ABCB11: variants seen among roughly 807,000 people sequenced by gnomAD.
ABCB11 encodes bile salt export pump.
Under a neutral mutation model 148.0 loss-of-function variants are expected in ABCB11, and 95 were observed. That is an observed-to-expected ratio of 0.64 (90% CI 0.54 to 0.76). ABCB11 has a LOEUF of 0.76. Ranked by LOEUF, ABCB11 falls within the 30% of genes least tolerant of loss-of-function variation. The pLI, the probability that ABCB11 is intolerant of heterozygous loss-of-function variation, is 0.00. For missense variants in ABCB11, 1,523 were observed against 1,617.8 expected (o/e 0.94, Z 1.01); for synonymous variants, 591 against 555.4 (o/e 1.06, Z -0.90).
intron 21 of ABCB11, among the ~76,000 whole-genome samples, chr2:168,936,775 C>T (rs1559185300): frequency 6.6e-6 from 1 of 152,208 alleles, no homozygotes; most frequent in Non-Finnish European, 1.5e-5. Context: ...GAAGTAGAAT[C>T]ATACAATATT....
At chr2:169,030,886 A>G (rs1695845957) in intron 1 of ABCB11, among the ~76,000 whole-genome samples, 1 of 152,252 alleles carries the variant, frequency 6.6e-6, no homozygotes, top group Non-Finnish European at 1.5e-5. Context: ...CACAAAGCCA[A>G]GTTAAAAAAG....
At position 168,923,675 on chromosome 2, in the gene ABCB11, C is replaced by A; in HGVS notation, c.3913G>T (p.Ala1305Ser). The change falls in exon 28 of 28, where the codon GCC becomes TCC. Residue 1305 changes from alanine to serine, a missense_variant. Transcript: ENST00000650372. The stretch of plus-strand genomic sequence containing the variant: ...AGTTTGTAGTAGGCTCCTTTTTGGG[C>A]CATCAGTTCTTCATGGGTCCCCTTT... The part of the protein sequence containing the change: ...IEKGTHEELM[A>S]QKGAYYKLVT... 1 of 1,613,560 alleles carries A rather than the reference C, an allele frequency of 6.2e-7. No individual in the cohort carries two copies. The highest frequency in any genetic ancestry group is 8.5e-7 in the Non-Finnish European group (1 of 1,179,796).
At chr2:169,016,301 A>T (rs1280056081) in intron 3 of ABCB11, among the ~76,000 whole-genome samples, 2 of 152,210 alleles carry the variant, frequency 1.3e-5, no homozygotes, top group Non-Finnish European at 2.9e-5. Context: ...AACTTACCTG[A>T]TGCCTCACTT....
rs1415776432 is a variant in ABCB11 at position 169,016,813 on chromosome 2, A to G, written c.77-14T>C. 3.8e-6 allele frequency: 6 copies of G among 1,581,532 alleles called. No homozygotes were observed. The South Asian group carries it at 7.0e-5, about 19-fold the overall frequency. Reference sequence around the variant, plus strand: ...TATCATTATTATCTGTCAGAAAAAAAAATCAACGCAAAAAAGCAGTTAATA... The same window carrying G: ...TATCATTATTATCTGTCAGAAAAAAGAATCAACGCAAAAAAGCAGTTAATA... On this transcript the variant is annotated splice_polypyrimidine_tract_variant and intron_variant, in intron 2 of 27. Transcript: ENST00000650372.
intron 10 of ABCB11, 79 bp from the exon 11 acceptor site, chr2:168,980,058 G>T: frequency 1.3e-6 from 1 of 789,230 alleles, no homozygotes; most frequent in Non-Finnish European, 2.1e-6. Context: ...GGTCTTCCAT[G>T]TTAACGCAGA....
At chr2:168,956,086 A>G (rs1029778084) in intron 19 of ABCB11, among the ~76,000 whole-genome samples, 2 of 151,764 alleles carry the variant, frequency 1.3e-5, no homozygotes, top group African/African-American at 4.8e-5. Context: ...GAAACTTACA[A>G]TCATGGCAGA....
intron 19 of ABCB11, among the ~76,000 whole-genome samples, chr2:168,951,093 T>C (rs1427675162): frequency 6.6e-6 from 1 of 151,696 alleles, no homozygotes; most frequent in East Asian, 1.9e-4. Flanking sequence ...TTTAGGTATG[T>C]GGCTTTGTTT....
At chr2:168,953,454 T>TC (rs1422834257) in intron 19 of ABCB11, among the ~76,000 whole-genome samples, 1 of 141,308 alleles carries the variant, frequency 7.1e-6, no homozygotes, top group East Asian at 2.0e-4. Flanking sequence ...TATCTTGTCT[T>TC]TTTTTTTTTT....
In ABCB11 at chr2:168,971,974, T is replaced by C; in HGVS notation, c.1511A>G (p.Glu504Gly). 1 of 1,613,058 alleles carries C rather than the reference T, an allele frequency of 6.2e-7. No individual in the cohort carries two copies. Among genetic ancestry groups the C allele is most frequent in the Non-Finnish European group, 8.5e-7 (1 of 1,179,420 alleles). Reference protein sequence around the residue: ...LRDQIGIVEQEPVLFSTTIAE... With the variant: ...LRDQIGIVEQGPVLFSTTIAE... ...AATGGTGGTAGAGAACAGAACTGGCTCTTGCTCCACTATCCCAATCTGATC... is the reference window on the plus strand; with the variant it reads ...AATGGTGGTAGAGAACAGAACTGGCCCTTGCTCCACTATCCCAATCTGATC... The change falls in exon 14 of 28, where the codon GAG becomes GGG. Residue 504 changes from glutamate (E) to glycine (G), a missense_variant. By Grantham distance (98) the Glu-to-Gly change is moderately conservative (BLOSUM62 -2). Transcript: ENST00000650372.
At position 168,924,736 on chromosome 2, in the gene ABCB11, A is replaced by T. The variant is rs749449077; in HGVS notation, c.3686T>A (p.Ile1229Asn). 1 of 1,613,880 alleles carries T rather than the reference A, an allele frequency of 6.2e-7. No individual in the cohort carries two copies. The highest frequency in any genetic ancestry group is 8.5e-7 in the Non-Finnish European group (1 of 1,179,832). The change falls in exon 27 of 28, where the codon ATT becomes AAT. Residue 1229 changes from isoleucine to asparagine, a missense_variant. By Grantham distance (149) the Ile-to-Asn change is moderately radical (BLOSUM62 -3). Transcript: ENST00000650372. The part of the protein sequence containing the change: ...LSRGEKQRIA[I>N]ARAIVRDPKI... Reference sequence around the variant, plus strand: ...AGGATCTCGTACAATGGCCCGAGCAATAGCAATGCGTTGTTTCTCCCCTCT... The same window carrying T: ...AGGATCTCGTACAATGGCCCGAGCATTAGCAATGCGTTGTTTCTCCCCTCT...
At chr2:169,022,140 T>C (rs1695559248) in intron 1 of ABCB11, among the ~76,000 whole-genome samples, 1 of 151,952 alleles carries the variant, frequency 6.6e-6, no homozygotes, top group Non-Finnish European at 1.5e-5. Context: ...GCTAAAAAGA[T>C]ACTTCAAGAT....
At chr2:168,943,765 T>G (rs181555442) in intron 21 of ABCB11, among the ~76,000 whole-genome samples, 1 of 136,328 alleles carries the variant, frequency 7.3e-6, no homozygotes, top group Non-Finnish European at 1.6e-5. Context: ...GAGTTGAGAC[T>G]ACAGTACAGC....
rs1691364184 is a variant in ABCB11 at position 168,927,340 on chromosome 2, T to A, written c.3434A>T (p.Lys1145Ile). ...GCGGAGGAACTGGACATTTACTTTT[T>A]TGCTGTCATGACCATCTATCATCTG... is the stretch of plus-strand genomic sequence containing the variant. ...GKVMIDGHDS[K>I]KVNVQFLRSN... is the part of the protein sequence containing the mutation. The change falls in exon 26 of 28, where the codon AAA becomes ATA. Residue 1145 changes from lysine to isoleucine, a missense_variant. By Grantham distance (102) the Lys-to-Ile change is moderately radical. Coordinates refer to ENST00000650372, the MANE Select transcript of ABCB11 (RefSeq NM_003742.4). 2.5e-6 allele frequency: 4 copies of A among 1,613,736 alleles called. No homozygotes were observed. The highest frequency in any genetic ancestry group is 1.6e-4 in the Middle Eastern group (1 of 6,084).
chr2:169,027,615 G>T (rs991210953), intron 1 of ABCB11, among the ~76,000 whole-genome samples: 2 of 152,234 alleles, frequency 1.3e-5, no homozygotes, highest in African/African-American at 2.4e-5. Flanking sequence ...ATGGTCACTT[G>T]AGAGAACCTA....
At chr2:168,959,972 C>T (rs1450716165) in intron 18 of ABCB11, among the ~76,000 whole-genome samples, 2 of 137,130 alleles carry the variant, frequency 1.5e-5, no homozygotes, top group African/African-American at 2.7e-5. Flanking sequence ...CGAATATGAA[C>T]ACTGTGATTC....
intron 27 of ABCB11, among the ~76,000 whole-genome samples, chr2:168,924,242 T>C (rs1228170159): frequency 6.6e-6 from 1 of 152,242 alleles, no homozygotes; most frequent in Non-Finnish European, 1.5e-5. Context: ...CATAATTGTG[T>C]TTTGCTCAAT....
chr2:168,990,708 A>G (rs1465005793), intron 9 of ABCB11, 93 bp downstream of exon 9: 1 of 1,513,712 alleles, frequency 6.6e-7, no homozygotes. Context: ...GCCACAGACC[A>G]AGGTGGGTCT....
chr2:168,975,641 A>ATATT (rs10624627), intron 12 of ABCB11, among the ~76,000 whole-genome samples: 2,996 of 29,346 alleles, frequency 0.1, 1,302 homozygotes, highest in East Asian at 0.29. Context: ...ATTTACATAT[A>ATATT]TATGTATTAT....
chr2:168,970,461 T>C (rs1407994801), intron 14 of ABCB11: 1 of 1,022,764 alleles, frequency 9.8e-7, no homozygotes, highest in African/African-American at 1.6e-5. Flanking sequence ...TATTCCTCTT[T>C]AGCTCAACTT....
Sources: allele counts gnomAD v4.1 joint callset (sites outside exome capture counted in the v4.1 genomes callset), GRCh38; gene constraint gnomAD v4.1.1; transcripts MANE v1.5; gene names NCBI Gene and HGNC (gene_info 2026-07-23, HGNC 2026-07-21).